Variants in VGLL2 observed in about 807,000 individuals in gnomAD.
VGLL2 encodes the protein vestigial like family member 2.
Under a neutral mutation model 27.0 loss-of-function variants are expected in VGLL2, and 18 were observed. The observed-to-expected ratio is 0.67, with a 90% CI of 0.46 to 0.99. VGLL2 has a LOEUF of 0.99. Ranked by LOEUF, VGLL2 falls within the 50% of genes least tolerant of loss-of-function variation. The probability of loss-of-function intolerance (pLI) is 0.00; values close to 1 mark genes in which losing one functional copy is unlikely to be tolerated. For synonymous variants in VGLL2, 220 were observed against 201.1 expected (o/e 1.09, Z -0.80); for missense variants, 491 against 452.3 (o/e 1.09, Z -0.78).
rs1426338160 is a variant in VGLL2, at chr6:117,268,412, C to G, written c.312C>G (p.Ser104Arg). Reference sequence around the variant, plus strand: ...GCTCCGTGGTGGATGAACATTTCAGCAGGGCCCTGAGCCAACCCAGCAGCT... The same window carrying G: ...GCTCCGTGGTGGATGAACATTTCAGGAGGGCCCTGAGCCAACCCAGCAGCT... Reference protein sequence around the residue: ...DISSVVDEHFSRALSQPSSYS... With the variant: ...DISSVVDEHFRRALSQPSSYS... Residue 104 changes from serine to arginine, a missense_variant, in exon 2 of 4, where the codon AGC (serine) becomes AGG (arginine). Transcript: ENST00000326274. 6.2e-7 allele frequency: 1 copy of G among 1,614,068 alleles called. No homozygotes were observed. The highest frequency in any genetic ancestry group is 8.5e-7 in the Non-Finnish European group (1 of 1,180,006).
rs775840054 is a variant in VGLL2 at position 117,265,685 on chromosome 6, G to A, written c.-79G>A. 4.6e-5 allele frequency: 59 copies of A among 1,288,486 alleles called. 1 individual carries two copies. Among genetic ancestry groups the A allele is most frequent in the African/African-American group, 5.8e-5 (4 of 68,708 alleles). 79.8% of individuals were successfully genotyped at this position (1,288,486 alleles called of 1,614,324 possible). ...ATGACTCCAGAGCGCGGGTCCAAGC[G>A]CCGCCCATGCAGCACCCCTGAGCTC... On this transcript the variant is annotated 5_prime_UTR_variant, in exon 1 of 4. Coordinates refer to ENST00000326274, the MANE Select transcript of VGLL2 (RefSeq NM_182645.3).
At position 117,271,598 on chromosome 6, in the gene VGLL2, T is replaced by C. The variant is rs568653738; in HGVS notation, c.913+534T>C. On this transcript the variant is annotated intron_variant, in intron 3 of 3. Coordinates refer to ENST00000326274, the MANE Select transcript of VGLL2 (RefSeq NM_182645.3). ...CGATTATAAAAAGTTTCATGTTTCT[T>C]TTTACTTTTTTTCCAATTCTGGCTA... 6.6e-5 allele frequency among the ~76,000 whole-genome samples: 10 copies of C among 152,288 alleles called. No individual in the cohort carries two copies. The South Asian group carries it at 1.2e-3, about 19-fold the overall frequency.
chr6:117,268,876 G>A (rs1353619542), intron 2 of VGLL2, among the ~76,000 whole-genome samples: 3 of 152,052 alleles, frequency 2.0e-5, no homozygotes, highest in Non-Finnish European at 2.9e-5. Context: ...CAAATATGCC[G>A]TCAAAAACGT....
At chr6:117,268,084 C>G in intron 1 of VGLL2, 98 bp from the exon 2 acceptor site, 2 of 1,283,154 alleles carry the variant, frequency 1.6e-6, no homozygotes, top group Non-Finnish European at 2.2e-6. Flanking sequence ...GCCAGTTTCC[C>G]CATAAATACC....
chr6:117,269,651 G>A (rs139161362), intron 2 of VGLL2, among the ~76,000 whole-genome samples: 28 of 152,244 alleles, frequency 1.8e-4, no homozygotes, highest in African/African-American at 6.5e-4. Context: ...GTTCCATAAA[G>A]GTTCCATGAA....
Position 117,265,774 on chromosome 6 carries a change from T to C in VGLL2, c.11T>C (p.Leu4Pro). 3.1e-6 allele frequency: 5 copies of C among 1,614,114 alleles called. 1 individual carries two copies. Among genetic ancestry groups the C allele is most frequent in the South Asian group, 2.2e-5 (2 of 91,078 alleles). The change falls in exon 1 of 4, where the codon CTG (leucine) becomes CCG (proline). Residue 4 changes from leucine to proline, a missense_variant. Transcript: ENST00000326274. ...CCGCTGCGGAGAGTCATGAGCTGTCTGGATGTTATGTACCAAGTCTATGGT... is the reference window on the plus strand; with the variant it reads ...CCGCTGCGGAGAGTCATGAGCTGTCCGGATGTTATGTACCAAGTCTATGGT... MSC[L>P]DVMYQVYGPP...
In VGLL2 at chr6:117,268,475, C is replaced by T. The variant is rs1489229258; in HGVS notation, c.375C>T (p.Ser125=). Residue 125 remains serine (S), a synonymous_variant, in exon 2 of 4, where the codon AGC becomes AGT. Transcript: ENST00000326274. ...PSCTSSKAPR[S]SGPWRDCSFP... is the part of the protein sequence containing the mutation. ...GTACCAGCAGCAAAGCACCAAGGAG[C>T]TCTGGGCCCTGGCGAGGTGAGTATA... 1 of 1,610,660 alleles carries T rather than the reference C, an allele frequency of 6.2e-7. No individual in the cohort carries two copies. The highest frequency in any genetic ancestry group is 1.1e-5 in the South Asian group (1 of 90,908).
At chr6:117,270,115 G>A (rs999961906) in intron 2 of VGLL2, among the ~76,000 whole-genome samples, 3 of 152,220 alleles carry the variant, frequency 2.0e-5, no homozygotes, top group Non-Finnish European at 4.4e-5. Context: ...AAGAGGTATC[G>A]TTAGCTTGGG....
rs755984585 is a variant in VGLL2, at chr6:117,268,350, C to T, written c.250C>T (p.Arg84Cys). ...ACCAGAGGCAGAGTACATCAACTCCCGCTGCGTCCTCTTCACTTATTTCCA... is the reference window on the plus strand; with the variant it reads ...ACCAGAGGCAGAGTACATCAACTCCTGCTGCGTCCTCTTCACTTATTTCCA... The part of the protein sequence containing the change: ...RPPEAEYINS[R>C]CVLFTYFQGD... Residue 84 changes from arginine (R) to cysteine (C), a missense_variant, in exon 2 of 4, where the codon CGC (arginine) becomes TGC (cysteine). Transcript: ENST00000326274. 9 of 1,614,048 alleles carry T rather than the reference C, an allele frequency of 5.6e-6. No homozygotes were observed. In the East Asian group the frequency reaches 6.7e-5, roughly 12 times the overall value.
At chr6:117,272,217 C>T in intron 3 of VGLL2, 2 of 729,146 alleles carry the variant, frequency 2.7e-6, no homozygotes, top group Non-Finnish European at 1.7e-6. Flanking sequence ...TGTTCTCCTC[C>T]TTCTCCTTCT....
Position 117,272,451 on chromosome 6 carries a change from C to A in VGLL2, c.914-3C>A. The A allele has an allele frequency of 6.2e-7, 1 of 1,614,162 alleles. No homozygotes were observed. Among genetic ancestry groups the A allele is most frequent in the Non-Finnish European group, 8.5e-7 (1 of 1,180,022 alleles). ...TGTAACAGCTTCTGATCTTGGTTTG[C>A]AGCTCGTCGTTATTCCCTCTGTGGT... On this transcript the variant is annotated splice_region_variant and splice_polypyrimidine_tract_variant and intron_variant, in intron 3 of 3. Transcript: ENST00000326274.
chr6:117,270,842 T>C lies in VGLL2; in HGVS notation c.691T>C (p.Tyr231His). ...GCGCCCCGCCGCCGTGCACGAAGTCTACGCGCCGCACTTCGACCCGCGCTA... is the reference window on the plus strand; with the variant it reads ...GCGCCCCGCCGCCGTGCACGAAGTCCACGCGCCGCACTTCGACCCGCGCTA... ...YPRPAAVHEV[Y>H]APHFDPRYGP... is the part of the protein sequence containing the mutation. Residue 231 changes from tyrosine to histidine, a missense_variant, in exon 3 of 4, where the codon TAC becomes CAC. Tyr to His is a moderately conservative substitution (Grantham distance 83). Coordinates refer to ENST00000326274, the MANE Select transcript of VGLL2 (RefSeq NM_182645.3). 1 of 1,419,464 alleles carries C rather than the reference T, an allele frequency of 7.0e-7. No individual in the cohort carries two copies. Among genetic ancestry groups the C allele is most frequent in the Non-Finnish European group, 9.2e-7 (1 of 1,087,218 alleles). The allele number at this position is 1,419,464 out of a possible 1,614,324, so 87.9% of individuals were successfully genotyped here.
intron 3 of VGLL2, among the ~76,000 whole-genome samples, chr6:117,271,321 A>G (rs145365015): frequency 0.013 from 1,584 of 118,216 alleles, 18 homozygotes; most frequent in Middle Eastern, 0.062. Context: ...TAATAATAAT[A>G]ATGATAATAA....
chr6:117,267,670 AG>A (rs1773095342), intron 1 of VGLL2, among the ~76,000 whole-genome samples: 1 of 152,236 alleles, frequency 6.6e-6, no homozygotes, highest in African/African-American at 2.4e-5. Flanking sequence ...TCCTAGTTTC[AG>A]GGAGTGGATT....
rs951237342 is a variant in VGLL2 at position 117,272,880 on chromosome 6, T to G, written c.*386T>G. ...GGTAGTGTGATTATAGCACTACTAC[T>G]GTCAGATTTTAAATTGTATGTGTAC... On this transcript the variant is annotated 3_prime_UTR_variant, in exon 4 of 4. Coordinates refer to ENST00000326274, the MANE Select transcript of VGLL2 (RefSeq NM_182645.3). The G allele has an allele frequency of 1.3e-5, 3 of 233,950 alleles. No individual in the cohort carries two copies. Among genetic ancestry groups the G allele is most frequent in the Admixed American group, 1.1e-4 (2 of 17,776 alleles). 14.5% of individuals were successfully genotyped at this position (233,950 alleles called of 1,614,324 possible). A position where few individuals can be genotyped will look rare whatever the true frequency, so the allele number is the denominator to read the frequency against.
At position 117,271,008 on chromosome 6, in the gene VGLL2, C is replaced by A. The variant is rs1474239440; in HGVS notation, c.857C>A (p.Pro286His). Residue 286 changes from proline (P) to histidine (H), a missense_variant, in exon 3 of 4, where the codon CCC (proline) becomes CAC (histidine). Transcript: ENST00000326274. ...AGAAWAGPGG[P>H]FASPSGDVAQ... Reference sequence around the variant, plus strand: ...GCCGCGTGGGCCGGGCCCGGGGGACCCTTCGCGAGCCCCTCGGGGGACGTG... The same window carrying A: ...GCCGCGTGGGCCGGGCCCGGGGGACACTTCGCGAGCCCCTCGGGGGACGTG... 6 of 1,232,442 alleles carry A rather than the reference C, an allele frequency of 4.9e-6. No individual in the cohort carries two copies. Among genetic ancestry groups the A allele is most frequent in the African/African-American group, 4.7e-5 (3 of 64,026 alleles). 76.3% of individuals were successfully genotyped at this position (1,232,442 alleles called of 1,614,324 possible). A position where few individuals can be genotyped will look rare whatever the true frequency, so the allele number is the denominator to read the frequency against.
At position 117,265,729 on chromosome 6, in the gene VGLL2, G is replaced by A. The variant is rs1312862476; in HGVS notation, c.-35G>A. 8 of 1,597,400 alleles carry A rather than the reference G, an allele frequency of 5.0e-6. No homozygotes were observed. The Admixed American group carries it at 1.2e-4, about 23-fold the overall frequency. On this transcript the variant is annotated 5_prime_UTR_variant, in exon 1 of 4. It removes an upstream start codon present in the reference 5' UTR. Coordinates refer to ENST00000326274, the MANE Select transcript of VGLL2 (RefSeq NM_182645.3). ...TGAGCTCCGGGGAAGGAGAGTTAAT[G>A]AAAAAACACTTAACCGTCTCCGCTG...
At position 117,265,706 on chromosome 6, in the gene VGLL2, A is replaced by T; in HGVS notation, c.-58A>T. ...AAGCGCCGCCCATGCAGCACCCCTGAGCTCCGGGGAAGGAGAGTTAATGAA... is the reference window on the plus strand; with the variant it reads ...AAGCGCCGCCCATGCAGCACCCCTGTGCTCCGGGGAAGGAGAGTTAATGAA... On this transcript the variant is annotated 5_prime_UTR_variant, in exon 1 of 4. It removes the in-frame stop codon of an upstream open reading frame in the 5' UTR. Coordinates refer to ENST00000326274, the MANE Select transcript of VGLL2 (RefSeq NM_182645.3). The T allele has an allele frequency of 6.7e-7, 1 of 1,501,974 alleles. No individual in the cohort carries two copies. The allele number at this position is 1,501,974 out of a possible 1,614,324, so 93.0% of individuals were successfully genotyped here.
chr6:117,265,915 C>A (rs1773058066), intron 1 of VGLL2, 71 bp downstream of exon 1: 1 of 1,392,450 alleles, frequency 7.2e-7, no homozygotes, highest in Non-Finnish European at 1.0e-6. Flanking sequence ...GCCTGTACGC[C>A]AAGGTCTGCT....
Sources: allele counts gnomAD v4.1 joint callset (sites outside exome capture counted in the v4.1 genomes callset), GRCh38; gene constraint gnomAD v4.1.1; transcripts MANE v1.5; gene names NCBI Gene and HGNC (gene_info 2026-07-23, HGNC 2026-07-21).